Variants in CLIC5 observed in about 807,000 individuals in gnomAD.
The protein encoded by CLIC5 is CLIC family member 5.
In CLIC5, 20 loss-of-function variants were observed where a neutral mutation model predicts 24.7. That is an observed-to-expected ratio of 0.81 (90% CI 0.57 to 1.18). CLIC5 has a LOEUF of 1.18. Ranked by LOEUF, CLIC5 falls within the 50% of genes most tolerant of loss-of-function variation. CLIC5 has a pLI of 0.00. For synonymous variants in CLIC5, 159 were observed against 135.6 expected, an observed-to-expected ratio of 1.17 and a Z score of -1.20; for missense variants, 341 against 326.1, an observed-to-expected ratio of 1.05 and a Z score of -0.35.
At chr6:46,045,917 G>A (rs1014955015) in intron 1 of CLIC5, among the ~76,000 whole-genome samples, 4 of 78,182 alleles carry the variant, frequency 5.1e-5, no homozygotes, top group South Asian at 3.1e-4. Flanking sequence ...GCTAAGGAAC[G>A]CACATGAACA....
intron 4 of CLIC5, among the ~76,000 whole-genome samples, chr6:45,926,388 C>T (rs996429729): frequency 1.9e-4 from 29 of 151,368 alleles, no homozygotes; most frequent in Admixed American, 3.3e-4. Flanking sequence ...GCTGGGACTA[C>T]AGGCACCCGC....
At chr6:45,996,638 A>G (rs936322367) in intron 1 of CLIC5, among the ~76,000 whole-genome samples, 2 of 152,220 alleles carry the variant, frequency 1.3e-5, no homozygotes, top group Non-Finnish European at 2.9e-5. Context: ...ATCTACAATG[A>G]ACTCAAACAA....
the CLIC5 span, among the ~76,000 whole-genome samples, chr6:46,118,520 C>T: frequency 0.62 from 94,513 of 151,982 alleles, 29,719 homozygotes; most frequent in Middle Eastern, 0.82. Flanking sequence ...CCCTACTACA[C>T]TGTAAACTTT....
At chr6:45,958,434 A>AGT in intron 1 of CLIC5, among the ~76,000 whole-genome samples, 2 of 82,464 alleles carry the variant, frequency 2.4e-5, no homozygotes, top group East Asian at 8.3e-4. Context: ...ATATATATAT[A>AGT]TATATATATA....
At chr6:46,080,135 G>A (rs1490792002) in exon 1 of CLIC5, 2 of 1,551,502 alleles carry the variant, frequency 1.3e-6, no homozygotes, top group East Asian at 4.9e-5. Context: ...AGTACTCATG[G>A]ACATCATCAT....
At chr6:46,099,011 G>A in the CLIC5 span, among the ~76,000 whole-genome samples, 1 of 152,204 alleles carries the variant, frequency 6.6e-6, no homozygotes, top group South Asian at 2.1e-4. Flanking sequence ...AGCACAGAAG[G>A]CACTACTTCA....
intron 1 of CLIC5, among the ~76,000 whole-genome samples, chr6:45,987,364 T>C (rs1313896698): frequency 6.6e-6 from 1 of 152,218 alleles, no homozygotes; most frequent in Non-Finnish European, 1.5e-5. Flanking sequence ...GTGGTCTCCA[T>C]TGGAGAAAGA....
intron 1 of CLIC5, among the ~76,000 whole-genome samples, chr6:45,981,412 A>G (rs1765565204): frequency 6.6e-6 from 1 of 152,188 alleles, no homozygotes; most frequent in Admixed American, 6.5e-5. Flanking sequence ...TGTAAGTTCC[A>G]AGAAAATTAA....
upstream of CLIC5, among the ~76,000 whole-genome samples, chr6:46,019,692 C>CAAAAA (rs60367562): frequency 3.0e-4 from 19 of 62,744 alleles, no homozygotes; most frequent in African/African-American, 4.2e-4. Context: ...GACTCCGTCT[C>CAAAAA]AAAAAAAAAA....
intron 1 of CLIC5, among the ~76,000 whole-genome samples, chr6:46,078,502 C>T (rs988073167): frequency 2.6e-5 from 4 of 152,180 alleles, no homozygotes; most frequent in African/African-American, 9.7e-5. Flanking sequence ...TCTCAGCACT[C>T]CTTCTCTGAA....
intron 1 of CLIC5, among the ~76,000 whole-genome samples, chr6:45,958,447 T>TACAC (rs1446493409): frequency 4.2e-5 from 3 of 72,274 alleles, no homozygotes; most frequent in South Asian, 6.2e-4. Context: ...TATATATATA[T>TACAC]ATATATATAT....
chr6:45,994,356 T>C (rs1192787081), intron 1 of CLIC5, among the ~76,000 whole-genome samples: 1 of 152,180 alleles, frequency 6.6e-6, no homozygotes, highest in South Asian at 2.1e-4. Flanking sequence ...TGGATGAAGC[T>C]GGAAGCCATT....
chr6:45,939,828 T>A, intron 4 of CLIC5, among the ~76,000 whole-genome samples: 1 of 152,008 alleles, frequency 6.6e-6, no homozygotes, highest in Non-Finnish European at 1.5e-5. Flanking sequence ...GTTTTTTTTT[T>A]TTTTGTAAAG....
chr6:46,034,804 G>A (rs1178829828), intron 1 of CLIC5, among the ~76,000 whole-genome samples: 5 of 152,170 alleles, frequency 3.3e-5, no homozygotes, highest in Admixed American at 6.5e-5. Flanking sequence ...GGAGCCTCCA[G>A]CTGACAGAGG....
At chr6:45,910,848 A>G (rs763495707) in intron 5 of CLIC5, among the ~76,000 whole-genome samples, 1 of 152,170 alleles carries the variant, frequency 6.6e-6, no homozygotes, top group African/African-American at 2.4e-5. Context: ...TTGGAGGAGG[A>G]GAAGGGAGGG....
At chr6:45,946,707 T>A (rs1033308892) in intron 3 of CLIC5, among the ~76,000 whole-genome samples, 1 of 152,030 alleles carries the variant, frequency 6.6e-6, no homozygotes, top group East Asian at 1.9e-4. Flanking sequence ...GACCAGCAGG[T>A]CTCTATGGGG....
chr6:45,967,327 A>G lies in CLIC5; in HGVS notation c.64-12083T>C, dbSNP rs536097394. The stretch of plus-strand genomic sequence containing the variant: ...GACATGGTCCCTCTCTTGAGAAGCT[A>G]TCACACAACAGAGGCAGCAAAAGGT... On this transcript the variant is annotated intron_variant, in intron 1 of 5. Coordinates refer to ENST00000339561, the MANE Select transcript of CLIC5 (RefSeq NM_016929.5). 3.9e-5 allele frequency among the ~76,000 whole-genome samples: 6 copies of G among 152,350 alleles called. 1 individual carries two copies. The South Asian group carries it at 1.2e-3, about 32-fold the overall frequency.
At position 45,911,501 on chromosome 6, in the gene CLIC5, G is replaced by T. The variant is rs1034237403; in HGVS notation, c.588+2727C>A. On this transcript the variant is annotated intron_variant, in intron 5 of 5. Coordinates refer to ENST00000339561, the MANE Select transcript of CLIC5 (RefSeq NM_016929.5). Reference sequence around the variant, plus strand: ...GCTAAGAGCAAATTCATGCAGGAGTGGTGGCCTGACCAAGAGAACTGGCTG... The same window carrying T: ...GCTAAGAGCAAATTCATGCAGGAGTTGTGGCCTGACCAAGAGAACTGGCTG... The T allele has an allele frequency of 9.7e-5, 63 of 646,360 alleles. No individual in the cohort carries two copies. The Admixed American group carries it at 2.6e-3, about 26-fold the overall frequency. 40.0% of individuals were successfully genotyped at this position (646,360 alleles called of 1,614,324 possible). A position where few individuals can be genotyped will look rare whatever the true frequency, so the allele number is the denominator to read the frequency against.
At chr6:46,049,517 C>T (rs1225955161) in intron 1 of CLIC5, among the ~76,000 whole-genome samples, 1 of 152,030 alleles carries the variant, frequency 6.6e-6, no homozygotes, top group Admixed American at 6.6e-5. Flanking sequence ...AATTTAAACG[C>T]CCTCAGTATT....
Sources: gnomAD v4.1 joint callset for allele counts (sites outside exome capture counted in the v4.1 genomes callset) on GRCh38, gnomAD v4.1.1 for gene constraint, MANE v1.5 for transcripts, NCBI Gene and HGNC (gene_info 2026-07-23, HGNC 2026-07-21) for gene names.